LY96: variants seen among roughly 807,000 people sequenced by gnomAD.
LY96 encodes lymphocyte antigen 96.
A neutral mutation model predicts 18.9 loss-of-function variants in LY96; 18 were observed. That is an observed-to-expected ratio of 0.95 (90% confidence interval 0.66 to 1.41). LY96 has a LOEUF of 1.41. LY96 is among the 40% of genes most tolerant of loss of function. The probability of loss-of-function intolerance (pLI) is 0.00; values close to 1 mark genes in which losing one functional copy is unlikely to be tolerated. For synonymous variants in LY96, 66 were observed against 62.6 expected (o/e 1.06, Z -0.26); for missense variants, 175 against 182.4 (o/e 0.96, Z 0.23).
chr8:74,029,040 C>A lies in LY96; in HGVS notation c.469C>A (p.Pro157Thr). ...CTTGGAGTTTGTCATCCTACACCAA[C>A]CTAATTCAAATTAGAATAAATTGAG... ...FCLEFVILHQ[P>T]NSN Residue 157 changes from proline to threonine, a missense_variant, in exon 5 of 5, where the codon CCT becomes ACT. Physicochemically the swap from Pro to Thr is conservative, Grantham distance 38. Coordinates refer to ENST00000284818, the MANE Select transcript of LY96 (RefSeq NM_015364.5). 1.2e-6 allele frequency: 2 copies of A among 1,602,104 alleles called. No homozygotes were observed. The highest frequency in any genetic ancestry group is 1.3e-5 in the African/African-American group (1 of 74,720).
At chr8:74,095,074 C>A in the LY96 span, among the ~76,000 whole-genome samples, 8 of 152,094 alleles carry the variant, frequency 5.3e-5, no homozygotes, top group African/African-American at 1.9e-4. Flanking sequence ...GGTGTGGCAG[C>A]AATATCAAAG....
At chr8:74,022,467 C>CA (rs71778489) in intron 3 of LY96, among the ~76,000 whole-genome samples, 44,296 of 145,674 alleles carry the variant, frequency 0.3, 8,847 homozygotes, top group African/African-American at 0.58. Flanking sequence ...AATTGAAAAA[C>CA]AAAAAAAAAA....
intron 3 of LY96, among the ~76,000 whole-genome samples, chr8:74,011,011 G>C (rs1816520567): frequency 6.6e-6 from 1 of 151,976 alleles, no homozygotes; most frequent in East Asian, 1.9e-4. Flanking sequence ...CCTCAGAGGT[G>C]TCAGACTCAA....
At chr8:74,092,827 GA>G in the LY96 span, among the ~76,000 whole-genome samples, 1 of 152,010 alleles carries the variant, frequency 6.6e-6, no homozygotes, top group Non-Finnish European at 1.5e-5. Context: ...CTTATCTCTG[GA>G]ATAGTTCTTG....
intron 3 of LY96, among the ~76,000 whole-genome samples, chr8:74,011,097 C>A (rs1425633123): frequency 6.6e-6 from 1 of 152,104 alleles, no homozygotes; most frequent in Admixed American, 6.6e-5. Flanking sequence ...TTGAGCAAAT[C>A]GTGATTTACG....
At chr8:74,000,675 C>T (rs2131257613) in intron 1 of LY96, among the ~76,000 whole-genome samples, 1 of 152,324 alleles carries the variant, frequency 6.6e-6, no homozygotes, top group East Asian at 1.9e-4. Flanking sequence ...AGCAACACCT[C>T]ACCTCTCTGG....
the LY96 span, among the ~76,000 whole-genome samples, chr8:74,044,491 A>G: frequency 3.9e-5 from 6 of 152,248 alleles, no homozygotes; most frequent in South Asian, 1.0e-3. Flanking sequence ...ACCCATCCCA[A>G]TGTATGTAAT....
chr8:74,010,437 A>C (rs1410134034), intron 3 of LY96, among the ~76,000 whole-genome samples: 1 of 152,140 alleles, frequency 6.6e-6, no homozygotes, highest in Non-Finnish European at 1.5e-5. Context: ...GAATAATAAC[A>C]TTCAGAAATT....
chr8:74,006,629 A>G (rs1816418228), intron 2 of LY96, among the ~76,000 whole-genome samples: 2 of 152,186 alleles, frequency 1.3e-5, no homozygotes, highest in African/African-American at 4.8e-5. Context: ...GATTAACTCT[A>G]TTTCCTTCAC....
At position 74,010,039 on chromosome 8, in the gene LY96, A is replaced by C. The variant is rs763597658; in HGVS notation, c.241A>C (p.Thr81Pro). The change falls in exon 3 of 5, where the codon ACT becomes CCT. Residue 81 changes from threonine (T) to proline (P), a missense_variant. By Grantham distance (38) the Thr-to-Pro change is conservative. Coordinates refer to ENST00000284818, the MANE Select transcript of LY96 (RefSeq NM_015364.5). ...GCAATTATATTTCAATCTCTATATA[A>C]CTGTCAACACCATGAATCTTCCAAA... ...LKQLYFNLYI[T>P]VNTMNLPKRK... The C allele has an allele frequency of 1.9e-6, 3 of 1,607,576 alleles. No homozygotes were observed. In the African/African-American group the frequency reaches 4.0e-5, roughly 21 times the overall value.
the LY96 span, among the ~76,000 whole-genome samples, chr8:74,087,808 C>T: frequency 6.6e-6 from 1 of 152,168 alleles, no homozygotes; most frequent in Non-Finnish European, 1.5e-5. Context: ...TTTGTCCTCA[C>T]CTTGCTATAA....
intron 2 of LY96, among the ~76,000 whole-genome samples, chr8:74,008,708 T>C (rs1816466852): frequency 6.6e-6 from 1 of 152,160 alleles, no homozygotes; most frequent in South Asian, 2.1e-4. Flanking sequence ...AGTAGAGATA[T>C]TGAATAAATA....
chr8:74,054,656 C>CTT, the LY96 span, among the ~76,000 whole-genome samples: 5 of 130,406 alleles, frequency 3.8e-5, no homozygotes, highest in South Asian at 5.7e-4. Flanking sequence ...TTCTTTCTTT[C>CTT]TTTCTTTCTT....
chr8:74,022,772 A>G (rs991282406), intron 3 of LY96, among the ~76,000 whole-genome samples: 1 of 151,734 alleles, frequency 6.6e-6, no homozygotes, highest in East Asian at 2.0e-4. Context: ...ATAGAGATGG[A>G]GTTTCACCAT....
At chr8:74,065,102 CT>C in the LY96 span, among the ~76,000 whole-genome samples, 1 of 152,220 alleles carries the variant, frequency 6.6e-6, no homozygotes, top group Non-Finnish European at 1.5e-5. Context: ...CAAAGCTTAA[CT>C]CTTAACCAGT....
chr8:74,085,291 C>A, the LY96 span, among the ~76,000 whole-genome samples: 377 of 152,322 alleles, frequency 2.5e-3, no homozygotes, highest in Middle Eastern at 0.02. Flanking sequence ...CTATGATTGT[C>A]TGGTTTCAAA....
At chr8:74,019,242 C>A (rs896410102) in intron 3 of LY96, among the ~76,000 whole-genome samples, 3 of 152,140 alleles carry the variant, frequency 2.0e-5, no homozygotes, top group Non-Finnish European at 2.9e-5. Flanking sequence ...GGGGATATCA[C>A]CACCGTTCCC....
chr8:74,081,915 C>A, the LY96 span, among the ~76,000 whole-genome samples: 1 of 152,116 alleles, frequency 6.6e-6, no homozygotes. Flanking sequence ...CGATTACAGG[C>A]GTGAGCCACC....
chr8:74,029,229 C>A, downstream of LY96: 3 of 561,070 alleles, frequency 5.3e-6, no homozygotes, highest in Non-Finnish European at 9.5e-6. Flanking sequence ...TCATGCAGAG[C>A]CACCTGGGGA....
Sources: gnomAD v4.1 joint callset for allele counts (sites outside exome capture counted in the v4.1 genomes callset) on GRCh38, gnomAD v4.1.1 for gene constraint, MANE v1.5 for transcripts, NCBI Gene and HGNC (gene_info 2026-07-23, HGNC 2026-07-21) for gene names.